NPL: variants seen among roughly 807,000 people sequenced by gnomAD.
NPL encodes N-acetylneuraminate lyase.
NPL carries 32 observed loss-of-function variants against 41.1 expected under a neutral mutation model. The ratio of observed to expected loss-of-function variants is 0.78; its 90% CI spans 0.59 to 1.05. The LOEUF is 1.05. NPL is among the 50% of genes least tolerant of loss of function. The pLI, the probability that NPL is intolerant of heterozygous loss-of-function variation, is 0.00. For synonymous variants in NPL, 128 were observed against 134.9 expected, an observed-to-expected ratio of 0.95 and a Z score of 0.35; for missense variants, 321 against 378.4, an observed-to-expected ratio of 0.85 and a Z score of 1.26.
rs1667409690 is a variant in NPL, at chr1:182,818,807, G to A, written c.607-6G>A. On this transcript the variant is annotated splice_region_variant and splice_polypyrimidine_tract_variant and intron_variant, in intron 9 of 12. Coordinates refer to ENST00000367553, the MANE Select transcript of NPL (RefSeq NM_030769.3). ...ATACAAGTGAATATTTTTTGTTTCT[G>A]ATTAGCAACTGTTGAGTGCTCTGGT... is the stretch of plus-strand genomic sequence containing the variant. The A allele has an allele frequency of 1.2e-6, 2 of 1,614,018 alleles. No homozygotes were observed. Among genetic ancestry groups the A allele is most frequent in the Non-Finnish European group, 1.7e-6 (2 of 1,179,980 alleles).
intron 12 of NPL, chr1:182,827,019 T>C (rs796555826): frequency 2.8e-4 from 42 of 152,334 alleles, no homozygotes; most frequent in African/African-American, 1.0e-3. Context: ...TATATAACTA[T>C]GGTCAGTCTC....
At chr1:182,809,397 G>A (rs1313837660) in intron 5 of NPL, 6 of 283,974 alleles carry the variant, frequency 2.1e-5, no homozygotes, top group East Asian at 1.1e-4. Context: ...AAAAATAGCC[G>A]GACATGGTGG....
chr1:182,829,893 T>C lies in NPL; in HGVS notation c.*985T>C, dbSNP rs1667723349. The C allele has an allele frequency of 2.3e-6, 1 of 440,938 alleles. No individual in the cohort carries two copies. The highest frequency in any genetic ancestry group is 2.0e-5 in the African/African-American group (1 of 50,842). The allele number at this position is 440,938 out of a possible 1,614,324, so 27.3% of individuals were successfully genotyped here. A position where few individuals can be genotyped will look rare whatever the true frequency, so the allele number is the denominator to read the frequency against. On this transcript the variant is annotated 3_prime_UTR_variant, in exon 13 of 13. Transcript: ENST00000367553. ...TCTTTCTGTGTAATGTATCAACAAC[T>C]GTTTAATCTCCCTTCTAACAAACCT...
intron 4 of NPL, among the ~76,000 whole-genome samples, chr1:182,805,053 A>G (rs1344029442): frequency 6.6e-6 from 1 of 152,168 alleles, no homozygotes. Flanking sequence ...CTGAGTGCTT[A>G]GAGATTCAGA....
At chr1:182,812,852 C>T (rs902032204) in intron 6 of NPL, among the ~76,000 whole-genome samples, 5 of 151,866 alleles carry the variant, frequency 3.3e-5, no homozygotes, top group Admixed American at 3.3e-4. Flanking sequence ...GGCAGAAAAG[C>T]AGGTGGTGTG....
intron 5 of NPL, among the ~76,000 whole-genome samples, chr1:182,806,887 G>A (rs1339235626): frequency 6.6e-6 from 1 of 152,170 alleles, no homozygotes; most frequent in Non-Finnish European, 1.5e-5. Flanking sequence ...TGTCGCCCAG[G>A]CTGGAGTGCA....
intron 5 of NPL, among the ~76,000 whole-genome samples, chr1:182,808,363 A>G (rs376812411): frequency 6.6e-6 from 1 of 152,216 alleles, no homozygotes; most frequent in Non-Finnish European, 1.5e-5. Context: ...GGTTTGACAC[A>G]TCATAGGAAG....
At chr1:182,815,777 A>T (rs1469876812) in intron 7 of NPL, among the ~76,000 whole-genome samples, 1 of 151,958 alleles carries the variant, frequency 6.6e-6, no homozygotes, top group African/African-American at 2.4e-5. Flanking sequence ...GCTAATTTTT[A>T]AAAAAATTTT....
chr1:182,828,915 T>G lies in NPL; in HGVS notation c.*7T>G. On this transcript the variant is annotated 3_prime_UTR_variant, in exon 13 of 13. Transcript: ENST00000367553. This position sits in a 1 kb window ranked among gnomAD's most constrained non-coding sequence, Gnocchi z 4.0. ...CTTGGAAGCTGGTAGCTAGTGCCTC[T>G]CTATCAAATCAGGGTTTGCACCTTG... 6.2e-7 allele frequency: 1 copy of G among 1,614,138 alleles called. No individual in the cohort carries two copies. The highest frequency in any genetic ancestry group is 8.5e-7 in the Non-Finnish European group (1 of 1,180,014).
chr1:182,829,716 A>C lies in NPL; in HGVS notation c.*808A>C, dbSNP rs1667719457. Reference sequence around the variant, plus strand: ...CTCCCGCAGGACCCTGAATTATTGAAATCGAAGGCTGACTTCCTTTCTGCA... The same window carrying C: ...CTCCCGCAGGACCCTGAATTATTGACATCGAAGGCTGACTTCCTTTCTGCA... On this transcript the variant is annotated 3_prime_UTR_variant, in exon 13 of 13. Coordinates refer to ENST00000367553, the MANE Select transcript of NPL (RefSeq NM_030769.3). 2.3e-6 allele frequency: 3 copies of C among 1,299,132 alleles called. No homozygotes were observed. The highest frequency in any genetic ancestry group is 2.5e-5 in the East Asian group (1 of 39,762). 80.5% of individuals were successfully genotyped at this position (1,299,132 alleles called of 1,614,324 possible).
chr1:182,828,730 G>A lies in NPL; in HGVS notation c.785G>A (p.Gly262Glu). 1 of 1,614,164 alleles carries A rather than the reference G, an allele frequency of 6.2e-7. No individual in the cohort carries two copies. Reference protein sequence around the residue: ...FINFVVKLGFGVSQTKAIMTL... With the variant: ...FINFVVKLGFEVSQTKAIMTL... ...ATTTGTTTTTCCCGTCTAGGTTTTGGAGTGTCACAGACCAAAGCCATCATG... is the reference window on the plus strand; with the variant it reads ...ATTTGTTTTTCCCGTCTAGGTTTTGAAGTGTCACAGACCAAAGCCATCATG... The change falls in exon 13 of 13, where the codon GGA (glycine) becomes GAA (glutamate). Residue 262 changes from glycine to glutamate, a missense_variant. By Grantham distance (98) the Gly-to-Glu change is moderately conservative. Transcript: ENST00000367553. This position sits in a 1 kb window ranked among gnomAD's most constrained non-coding sequence, Gnocchi z 4.0.
At chr1:182,797,913 T>C (rs1205095438) in intron 3 of NPL, among the ~76,000 whole-genome samples, 1 of 152,244 alleles carries the variant, frequency 6.6e-6, no homozygotes, top group East Asian at 1.9e-4. Flanking sequence ...GCATGTGGCA[T>C]AGTTGTGGTA....
chr1:182,812,149 T>G lies in NPL; in HGVS notation c.231-7T>G. The stretch of plus-strand genomic sequence containing the variant: ...TAAGCGATGCAGCAGTGTTTTTTCT[T>G]TTGCAGGCTGGATCAGGTGATAATT... On this transcript the variant is annotated splice_polypyrimidine_tract_variant and splice_region_variant and intron_variant, in intron 5 of 12. Transcript: ENST00000367553. 1.9e-6 allele frequency: 3 copies of G among 1,613,908 alleles called. No homozygotes were observed. Among genetic ancestry groups the G allele is most frequent in the Non-Finnish European group, 2.5e-6 (3 of 1,179,778 alleles).
rs573105972 is a variant in NPL at position 182,815,287 on chromosome 1, A to T, written c.364+429A>T. On this transcript the variant is annotated intron_variant, in intron 7 of 12. Coordinates refer to ENST00000367553, the MANE Select transcript of NPL (RefSeq NM_030769.3). Reference sequence around the variant, plus strand: ...TTTAAGAGATTTCACAGAAATATTCATTGCCTTCTAGAATACCAAAGTATT... The same window carrying T: ...TTTAAGAGATTTCACAGAAATATTCTTTGCCTTCTAGAATACCAAAGTATT... Among the ~76,000 whole-genome samples the T allele has an allele frequency of 5.3e-5, 8 of 152,344 alleles. No individual in the cohort carries two copies. The South Asian group carries it at 1.7e-3, about 32-fold the overall frequency.
At chr1:182,811,368 C>T (rs1326315118) in intron 5 of NPL, among the ~76,000 whole-genome samples, 1 of 152,008 alleles carries the variant, frequency 6.6e-6, no homozygotes, top group Admixed American at 6.6e-5. Context: ...GCTGGGACTA[C>T]AGGCACACAC....
At chr1:182,795,154 C>A (rs1666622977) in intron 3 of NPL, among the ~76,000 whole-genome samples, 1 of 152,190 alleles carries the variant, frequency 6.6e-6, no homozygotes, top group Admixed American at 6.5e-5. Flanking sequence ...CCTCCTTGAA[C>A]ATCACCCCTG....
intron 7 of NPL, among the ~76,000 whole-genome samples, 160 bp from the exon 8 acceptor site, chr1:182,816,554 C>T (rs1318868192): frequency 6.6e-6 from 1 of 152,126 alleles, no homozygotes; most frequent in Non-Finnish European, 1.5e-5. Context: ...AAGTGAGTTG[C>T]AAAAACATTG....
intron 4 of NPL, among the ~76,000 whole-genome samples, chr1:182,805,927 A>G (rs1666994709): frequency 6.6e-6 from 1 of 152,208 alleles, no homozygotes; most frequent in Non-Finnish European, 1.5e-5. Context: ...CCTAATATCA[A>G]GGTCAGATTT....
At chr1:182,806,333 G>T in intron 5 of NPL, 101 bp downstream of exon 5, 1 of 1,567,696 alleles carries the variant, frequency 6.4e-7, no homozygotes, top group African/African-American at 1.3e-5. Context: ...GGTCAGAGCC[G>T]GGGCTTGAGG....
Sources: gnomAD v4.1 joint callset for allele counts (sites outside exome capture counted in the v4.1 genomes callset) on GRCh38, gnomAD v4.1.1 for gene constraint, Gnocchi (gnomAD v3.1) non-coding constraint, MANE v1.5 for transcripts, NCBI Gene and HGNC (gene_info 2026-07-23, HGNC 2026-07-21) for gene names.